The following ZDHHC21 variants were observed in gnomAD, a reference collection of about 807,000 sequenced individuals.
ZDHHC21 encodes zDHHC palmitoyltransferase 21, also known as palmitoyltransferase ZDHHC21.
In ZDHHC21, 15 loss-of-function variants were observed where a neutral mutation model predicts 34.6. That is an observed-to-expected ratio of 0.43 (90% CI 0.29 to 0.67). The LOEUF (loss-of-function observed/expected upper bound fraction) is 0.67. ZDHHC21 is among the 30% of genes least tolerant of loss of function. The pLI is 0.14. For missense variants in ZDHHC21, 344 were observed against 327.7 expected (o/e 1.05, Z -0.38); for synonymous variants, 142 against 101.8 (o/e 1.40, Z -2.38).
chr9:14,685,154 A>T (rs553024508), intron 2 of ZDHHC21, among the ~76,000 whole-genome samples: 1 of 151,988 alleles, frequency 6.6e-6, no homozygotes, highest in South Asian at 2.1e-4. Context: ...CAAGGACTTC[A>T]TGTCTAAAAC....
chr9:14,681,968 T>C (rs1288724627), intron 2 of ZDHHC21, among the ~76,000 whole-genome samples: 1 of 151,926 alleles, frequency 6.6e-6, no homozygotes, highest in African/African-American at 2.4e-5. Context: ...AGAAATAAAA[T>C]CCTTTACAGA....
intron 8 of ZDHHC21, among the ~76,000 whole-genome samples, chr9:14,631,543 T>G (rs10810193): frequency 0.47 from 71,462 of 152,024 alleles, 17,303 homozygotes; most frequent in African/African-American, 0.59. Context: ...TCCTTTGCAT[T>G]CATAACTTGG....
chr9:14,650,401 A>G (rs1758853235), intron 7 of ZDHHC21, among the ~76,000 whole-genome samples: 1 of 152,010 alleles, frequency 6.6e-6, no homozygotes, highest in Admixed American at 6.6e-5. Flanking sequence ...ACTCTTGGCT[A>G]TTCTTGACTC....
At chr9:14,590,251 A>G in the ZDHHC21 span, among the ~76,000 whole-genome samples, 13 of 152,158 alleles carry the variant, frequency 8.5e-5, no homozygotes, top group African/African-American at 3.1e-4. Flanking sequence ...ACAAAAGGAC[A>G]GGCAGAAAAA....
intron 5 of ZDHHC21, among the ~76,000 whole-genome samples, chr9:14,669,446 G>A (rs1028268074): frequency 2.0e-5 from 3 of 148,586 alleles, no homozygotes; most frequent in South Asian, 2.2e-4. Context: ...TCAGTGTGGC[G>A]ATTCCTCAGG....
At position 14,693,328 on chromosome 9, in the gene ZDHHC21, C is replaced by T. The variant is rs1444118669; in HGVS notation, c.-324G>A. ...CCACCTCCGCCTCCTCCGGCGCCGC[C>T]GCCCAGGCCGGGCCGCTCTCCCCTT... On this transcript the variant is annotated 5_prime_UTR_variant, in exon 1 of 10. Coordinates refer to ENST00000380916, the MANE Select transcript of ZDHHC21 (RefSeq NM_178566.6). 2.4e-6 allele frequency: 1 copy of T among 413,690 alleles called. No homozygotes were observed. The allele number at this position is 413,690 out of a possible 1,614,324, so 25.6% of individuals were successfully genotyped here. A position where few individuals can be genotyped will look rare whatever the true frequency, so the allele number is the denominator to read the frequency against.
intron 7 of ZDHHC21, among the ~76,000 whole-genome samples, chr9:14,657,792 T>A (rs565941462): frequency 6.6e-6 from 1 of 152,308 alleles, no homozygotes; most frequent in Admixed American, 6.5e-5. Flanking sequence ...TCTACTTCTC[T>A]GTCGCTTAAA....
chr9:14,622,169 C>T (rs1415256509), intron 8 of ZDHHC21, among the ~76,000 whole-genome samples: 2 of 151,988 alleles, frequency 1.3e-5, no homozygotes, highest in African/African-American at 4.8e-5. Context: ...CTAAGACTTT[C>T]CTCAGTCTAC....
chr9:14,650,969 G>C (rs1295391916), intron 7 of ZDHHC21, among the ~76,000 whole-genome samples: 1 of 151,792 alleles, frequency 6.6e-6, no homozygotes, highest in Non-Finnish European at 1.5e-5. Context: ...GAAATTATCA[G>C]AATCCACTTC....
chr9:14,688,890 G>A (rs577376389), intron 2 of ZDHHC21, among the ~76,000 whole-genome samples: 1 of 151,784 alleles, frequency 6.6e-6, no homozygotes, highest in South Asian at 2.1e-4. Flanking sequence ...CGAACAAACA[G>A]AAAACCAGCC....
chr9:14,654,819 G>C (rs1399263618), intron 7 of ZDHHC21, among the ~76,000 whole-genome samples: 1 of 151,898 alleles, frequency 6.6e-6, no homozygotes, highest in East Asian at 1.9e-4. Context: ...ATGAAGCACA[G>C]AGGGGGAATA....
chr9:14,663,575 G>C (rs1286509164), intron 5 of ZDHHC21, among the ~76,000 whole-genome samples: 1 of 86,618 alleles, frequency 1.2e-5, no homozygotes, highest in Non-Finnish European at 2.3e-5. Flanking sequence ...TTCTCTGTTT[G>C]AATTCCATTA....
chr9:14,660,106 C>A (rs1833070767), intron 6 of ZDHHC21, among the ~76,000 whole-genome samples: 1 of 152,004 alleles, frequency 6.6e-6, no homozygotes, highest in Non-Finnish European at 1.5e-5. Context: ...TGACTCAAGC[C>A]TGTAATCCCA....
At chr9:14,593,542 T>A in the ZDHHC21 span, 7 of 152,278 alleles carry the variant, frequency 4.6e-5, no homozygotes, top group Non-Finnish European at 5.9e-5. Context: ...GACAGTGGAC[T>A]GGGCTGGGCA....
intron 5 of ZDHHC21, among the ~76,000 whole-genome samples, chr9:14,663,448 T>C (rs916251649): frequency 2.0e-5 from 3 of 150,806 alleles, no homozygotes; most frequent in Non-Finnish European, 3.0e-5. Context: ...AAGTGAAAGA[T>C]AATAGTAGAC....
At chr9:14,623,884 A>T (rs1300231100) in intron 8 of ZDHHC21, among the ~76,000 whole-genome samples, 1 of 152,094 alleles carries the variant, frequency 6.6e-6, no homozygotes, top group African/African-American at 2.4e-5. Context: ...ACCCTTACAC[A>T]GTCTGGGGAA....
At chr9:14,644,983 C>T (rs964559415) in intron 7 of ZDHHC21, among the ~76,000 whole-genome samples, 3 of 152,042 alleles carry the variant, frequency 2.0e-5, no homozygotes, top group Non-Finnish European at 2.9e-5. Context: ...CATGTATTCT[C>T]GACAGGGCAA....
the ZDHHC21 span, among the ~76,000 whole-genome samples, chr9:14,600,425 C>CCTAGGAATACAACTTA: frequency 6.6e-6 from 1 of 152,210 alleles, no homozygotes. Flanking sequence ...GAATAAAATA[C>CCTAGGAATACAACTTA]CTAGGAATAC....
At chr9:14,628,930 G>A (rs1050705296) in intron 8 of ZDHHC21, among the ~76,000 whole-genome samples, 7 of 152,154 alleles carry the variant, frequency 4.6e-5, no homozygotes, top group African/African-American at 7.2e-5. Flanking sequence ...GTGAGGAAGA[G>A]TATATTCTGG....
Sources: allele counts gnomAD v4.1 joint callset (sites outside exome capture counted in the v4.1 genomes callset), GRCh38; gene constraint gnomAD v4.1.1; transcripts MANE v1.5; gene names NCBI Gene and HGNC (gene_info 2026-07-23, HGNC 2026-07-21).